CFDP1: variants seen among roughly 807,000 people sequenced by gnomAD.
The protein encoded by CFDP1 is heterochromatin-stabilizing protein CFDP1.
Under a neutral mutation model 40.1 loss-of-function variants are expected in CFDP1, and 31 were observed. The ratio of observed to expected loss-of-function variants is 0.77; its 90% CI spans 0.58 to 1.04. The LOEUF is 1.04. Among genes scored for constraint, CFDP1 ranks in the 50% least tolerant of loss-of-function variants. The probability of loss-of-function intolerance (pLI) is 0.00; values close to 1 mark genes in which losing one functional copy is unlikely to be tolerated. For missense variants in CFDP1, 423 were observed against 343.4 expected (o/e 1.23, Z -1.83); for synonymous variants, 167 against 120.0 (o/e 1.39, Z -2.56).
intron 5 of CFDP1, among the ~76,000 whole-genome samples, chr16:75,339,512 T>C (rs1286586840): frequency 2.0e-5 from 3 of 152,180 alleles, no homozygotes; most frequent in African/African-American, 7.2e-5. Context: ...GACTGTTATG[T>C]GCTTGCTCAT....
intron 5 of CFDP1, among the ~76,000 whole-genome samples, chr16:75,369,382 C>CA (rs201221569): frequency 0.015 from 1,878 of 125,126 alleles, 29 homozygotes; most frequent in African/African-American, 0.037. Flanking sequence ...AAGTTCGCTT[C>CA]AAAAAAAACA....
intron 5 of CFDP1, among the ~76,000 whole-genome samples, chr16:75,393,566 C>G (rs4888401): frequency 7.3e-5 from 11 of 151,324 alleles, no homozygotes; most frequent in Non-Finnish European, 1.3e-4. Flanking sequence ...CCCGTCTCTA[C>G]TAAAAATACA....
chr16:75,340,625 T>A (rs1447604488), intron 5 of CFDP1, among the ~76,000 whole-genome samples: 2 of 152,192 alleles, frequency 1.3e-5, no homozygotes, highest in Non-Finnish European at 2.9e-5. Context: ...AGAGGAACTA[T>A]TTTTTGGACG....
intron 5 of CFDP1, among the ~76,000 whole-genome samples, chr16:75,323,371 T>C (rs1455778812): frequency 6.6e-6 from 1 of 152,054 alleles, no homozygotes; most frequent in Non-Finnish European, 1.5e-5. Context: ...CCATCTCCTA[T>C]GACAACAATG....
intron 6 of CFDP1, among the ~76,000 whole-genome samples, chr16:75,303,265 C>T (rs1036636564): frequency 3.3e-5 from 5 of 151,638 alleles, no homozygotes; most frequent in Admixed American, 1.3e-4. Flanking sequence ...ACTTGGGAGG[C>T]TGAGGCAGGA....
At chr16:75,324,031 C>A (rs893188303) in intron 5 of CFDP1, among the ~76,000 whole-genome samples, 7 of 152,208 alleles carry the variant, frequency 4.6e-5, no homozygotes, top group Admixed American at 3.3e-4. Flanking sequence ...TATTCATCAA[C>A]TCAGCCCTTA....
chr16:75,318,692 CTG>C (rs1481100550), intron 5 of CFDP1, among the ~76,000 whole-genome samples: 31 of 152,172 alleles, frequency 2.0e-4, no homozygotes, highest in Non-Finnish European at 2.8e-4. Context: ...GCGTGAGCCA[CTG>C]CGCCCGGCCG....
chr16:75,424,932 T>C (rs1213436343), intron 1 of CFDP1, among the ~76,000 whole-genome samples: 2 of 152,186 alleles, frequency 1.3e-5, no homozygotes, highest in Admixed American at 1.3e-4. Flanking sequence ...TCACTGTCTG[T>C]GTGGAAAATC....
At chr16:75,304,478 C>CA (rs1257692247) in intron 6 of CFDP1, among the ~76,000 whole-genome samples, 3 of 152,194 alleles carry the variant, frequency 2.0e-5, no homozygotes, top group African/African-American at 4.8e-5. Flanking sequence ...TTGTATTCCA[C>CA]AGCGAAGAGA....
chr16:75,387,588 C>T (rs1013579846), intron 5 of CFDP1, among the ~76,000 whole-genome samples: 2 of 152,210 alleles, frequency 1.3e-5, no homozygotes, highest in African/African-American at 4.8e-5. Context: ...CTAGCTAGTC[C>T]TATCCTGGAA....
rs551296629 is a variant in CFDP1 at position 75,402,042 on chromosome 16, C to T, written c.531-6833G>A. 1.7e-4 allele frequency among the ~76,000 whole-genome samples: 26 copies of T among 152,288 alleles called. No homozygotes were observed. The South Asian group carries it at 5.2e-3, about 30-fold the overall frequency. ...AGTCCTATCTATATTCACTAGGAAA[C>T]ACTGGTATATTTATCTCAGGAACTT... On this transcript the variant is annotated intron_variant, in intron 4 of 6. Transcript: ENST00000283882.
intron 5 of CFDP1, among the ~76,000 whole-genome samples, chr16:75,338,519 T>C (rs1251863877): frequency 6.6e-6 from 1 of 152,182 alleles, no homozygotes; most frequent in Non-Finnish European, 1.5e-5. Flanking sequence ...GCAATGGATA[T>C]CAGAGCACAG....
At chr16:75,391,719 A>G (rs1199252338) in intron 5 of CFDP1, among the ~76,000 whole-genome samples, 1 of 152,174 alleles carries the variant, frequency 6.6e-6, no homozygotes, top group African/African-American at 2.4e-5. Flanking sequence ...CACACCTGTA[A>G]TGCCAGCACT....
intron 4 of CFDP1, among the ~76,000 whole-genome samples, chr16:75,397,806 AAAAT>A (rs920788440): frequency 2.6e-5 from 4 of 152,186 alleles, no homozygotes; most frequent in Non-Finnish European, 5.9e-5. Context: ...TCCGTCTCAA[AAAAT>A]AAATAAATAA....
intron 6 of CFDP1, among the ~76,000 whole-genome samples, chr16:75,294,631 T>A (rs984428441): frequency 6.6e-6 from 1 of 152,226 alleles, no homozygotes; most frequent in South Asian, 2.1e-4. Flanking sequence ...ATTTAACTGC[T>A]TTGAGCTCTT....
chr16:75,347,175 C>A (rs1597345586), intron 5 of CFDP1, among the ~76,000 whole-genome samples: 2 of 150,260 alleles, frequency 1.3e-5, no homozygotes, highest in Non-Finnish European at 3.0e-5. Context: ...AAACCCTGTC[C>A]CCACTAAAAG....
At chr16:75,414,311 AG>A (rs1167984706) in intron 2 of CFDP1, among the ~76,000 whole-genome samples, 1 of 152,250 alleles carries the variant, frequency 6.6e-6, no homozygotes, top group African/African-American at 2.4e-5. Flanking sequence ...GTCTAGGAAC[AG>A]GGTAAACATC....
chr16:75,358,236 G>A (rs942766853), intron 5 of CFDP1, among the ~76,000 whole-genome samples: 6 of 151,910 alleles, frequency 3.9e-5, no homozygotes, highest in East Asian at 1.9e-4. Flanking sequence ...AAAATGGCAC[G>A]GGTAGATATG....
At chr16:75,422,803 G>C (rs543788157) in intron 1 of CFDP1, among the ~76,000 whole-genome samples, 9 of 151,998 alleles carry the variant, frequency 5.9e-5, no homozygotes, top group Non-Finnish European at 1.3e-4. Flanking sequence ...CTGTGATCTT[G>C]CCACTGCACT....
Sources: allele counts gnomAD v4.1 joint callset (sites outside exome capture counted in the v4.1 genomes callset), GRCh38; gene constraint gnomAD v4.1.1; transcripts MANE v1.5; gene names NCBI Gene and HGNC (gene_info 2026-07-23, HGNC 2026-07-21).